The following XKR4 variants were observed in gnomAD, a reference collection of about 807,000 sequenced individuals.
XKR4 encodes XK related 4, also known as XK-related protein 4.
Under a neutral mutation model 53.9 loss-of-function variants are expected in XKR4, and 12 were observed. The observed-to-expected ratio is 0.22, with a 90% CI of 0.14 to 0.36. XKR4 has a LOEUF of 0.36. XKR4 is among the 10% of genes least tolerant of loss of function. The pLI, the probability that XKR4 is intolerant of heterozygous loss-of-function variation, is 1.00. For synonymous variants in XKR4, 354 were observed against 362.4 expected (o/e 0.98, Z 0.26); for missense variants, 799 against 859.5 (o/e 0.93, Z 0.88).
chr8:55,353,919 G>C (rs190150904), intron 1 of XKR4, among the ~76,000 whole-genome samples: 1 of 152,180 alleles, frequency 6.6e-6, no homozygotes, highest in African/African-American at 2.4e-5. Context: ...GCAGCCAAAG[G>C]TTCAAGGGAA....
rs1806011862 is a variant in XKR4, at chr8:55,477,457, A to G, written c.1007-45824A>G. 3.9e-5 allele frequency among the ~76,000 whole-genome samples: 6 copies of G among 152,176 alleles called. No individual in the cohort carries two copies. The South Asian group carries it at 1.0e-3, about 26-fold the overall frequency. ...TAGATAAAACCACAAAGATGGGGAA[A>G]AAACAGAGCAGAAAAACTGGAAACT... On this transcript the variant is annotated intron_variant, in intron 2 of 2. Coordinates refer to ENST00000327381, the MANE Select transcript of XKR4 (RefSeq NM_052898.2).
chr8:55,189,909 A>C (rs1181718923), intron 1 of XKR4, among the ~76,000 whole-genome samples: 2 of 152,224 alleles, frequency 1.3e-5, no homozygotes, highest in African/African-American at 4.8e-5. Context: ...CACTTCTGTC[A>C]CATTTCAACT....
intron 1 of XKR4, among the ~76,000 whole-genome samples, chr8:55,251,247 C>T (rs1357045801): frequency 6.6e-6 from 1 of 152,148 alleles, no homozygotes; most frequent in East Asian, 1.9e-4. Flanking sequence ...AGAATACAGT[C>T]CTTTTCTGTA....
chr8:55,332,394 A>G (rs1290146978), intron 1 of XKR4, among the ~76,000 whole-genome samples: 1 of 152,074 alleles, frequency 6.6e-6, no homozygotes, highest in East Asian at 1.9e-4. Context: ...TTTACCAGAA[A>G]ACTTTATGCT....
At chr8:55,449,464 G>A (rs1267953661) in intron 2 of XKR4, 1 of 930,738 alleles carries the variant, frequency 1.1e-6, no homozygotes, top group Non-Finnish European at 1.7e-6. Context: ...ACCCCTAGTG[G>A]TCGGTAACGA....
At chr8:55,193,771 C>T (rs1271207333) in intron 1 of XKR4, among the ~76,000 whole-genome samples, 1 of 152,256 alleles carries the variant, frequency 6.6e-6, no homozygotes, top group African/African-American at 2.4e-5. Flanking sequence ...CCCAGATCCC[C>T]TGCCACAGTC....
intron 2 of XKR4, among the ~76,000 whole-genome samples, chr8:55,482,977 A>C (rs955482663): frequency 1.3e-5 from 2 of 152,192 alleles, no homozygotes; most frequent in Admixed American, 6.5e-5. Flanking sequence ...CAAATGAATC[A>C]TTGTTAGCCC....
At chr8:55,479,225 A>G (rs968008795) in intron 2 of XKR4, among the ~76,000 whole-genome samples, 15 of 152,272 alleles carry the variant, frequency 9.9e-5, no homozygotes, top group Admixed American at 6.5e-5. Context: ...CAATCAAACT[A>G]GAACTCAGGA....
chr8:55,161,734 C>T (rs1816989465), intron 1 of XKR4: 2 of 414,712 alleles, frequency 4.8e-6, no homozygotes, highest in African/African-American at 2.0e-5. Flanking sequence ...CACCCATGGC[C>T]ACTTACTGCA....
At chr8:55,140,062 T>C in intron 1 of XKR4, 1 of 326,222 alleles carries the variant, frequency 3.1e-6, no homozygotes, top group South Asian at 2.5e-5. Flanking sequence ...CTCATCCTAT[T>C]TTATTTATTA....
At chr8:55,451,859 C>T in intron 2 of XKR4, 1 of 884,076 alleles carries the variant, frequency 1.1e-6, no homozygotes, top group Non-Finnish European at 1.8e-6. Context: ...GGCTTCAAGG[C>T]TGAGGACGGG....
chr8:55,187,540 C>T (rs1817396270), intron 1 of XKR4, among the ~76,000 whole-genome samples: 2 of 152,270 alleles, frequency 1.3e-5, no homozygotes, highest in South Asian at 2.1e-4. Flanking sequence ...TCTCAGGAAT[C>T]TGACCATCAA....
Position 55,157,484 on chromosome 8 carries a change from G to A in XKR4, c.806+54190G>A, listed in dbSNP as rs561064508. Among the ~76,000 whole-genome samples the A allele has an allele frequency of 1.2e-3, 186 of 151,644 alleles. No individual in the cohort carries two copies. In the Middle Eastern group the frequency reaches 0.038, roughly 31 times the overall value. On this transcript the variant is annotated intron_variant, in intron 1 of 2. Coordinates refer to ENST00000327381, the MANE Select transcript of XKR4 (RefSeq NM_052898.2). Reference sequence around the variant, plus strand: ...AGAAAAGCTTATAATACCTCTAAACGTTTTTGGAAATACTTTTTTTTTTTA... The same window carrying A: ...AGAAAAGCTTATAATACCTCTAAACATTTTTGGAAATACTTTTTTTTTTTA...
Position 55,483,765 on chromosome 8 carries a change from C to CA in XKR4, c.1007-39506dup, listed in dbSNP as rs34973440. The stretch of plus-strand genomic sequence containing the variant: ...AAAAGTGAAAAGCCTCTCCCTTAAA[C>CA]AAAAAAAAAAGTAGAAAGGGAACAG... On this transcript the variant is annotated intron_variant, in intron 2 of 2. Coordinates refer to ENST00000327381, the MANE Select transcript of XKR4 (RefSeq NM_052898.2). Among the ~76,000 whole-genome samples, 735 of 138,748 alleles carry CA rather than the reference C, an allele frequency of 5.3e-3. 7 individuals are homozygous for CA. Among genetic ancestry groups the CA allele is most frequent in the Middle Eastern group, 0.03 (8 of 270 alleles). 91.0% of individuals were successfully genotyped at this position (138,748 alleles called of 152,430 possible). A position where few individuals can be genotyped will look rare whatever the true frequency, so the allele number is the denominator to read the frequency against.
intron 2 of XKR4, among the ~76,000 whole-genome samples, chr8:55,368,208 G>C (rs530967956): frequency 6.6e-6 from 1 of 152,060 alleles, no homozygotes; most frequent in African/African-American, 2.4e-5. Context: ...TGATCCACCC[G>C]CCTCCCAAAG....
At chr8:55,193,296 C>G (rs1817467056) in intron 1 of XKR4, among the ~76,000 whole-genome samples, 1 of 152,052 alleles carries the variant, frequency 6.6e-6, no homozygotes, top group African/African-American at 2.4e-5. Flanking sequence ...CCCTTTCATG[C>G]CTTCTCTCTG....
intron 2 of XKR4, among the ~76,000 whole-genome samples, chr8:55,409,527 A>G (rs1179420076): frequency 1.3e-5 from 2 of 152,074 alleles, no homozygotes; most frequent in African/African-American, 2.4e-5. Context: ...AGAGACTGAA[A>G]TGGGATTTGC....
rs1806869116 is a variant in XKR4 at position 55,525,399 on chromosome 8, G to A, written c.*1172G>A. 6.6e-6 allele frequency: 1 copy of A among 152,646 alleles called. No individual in the cohort carries two copies. The highest frequency in any genetic ancestry group is 1.5e-5 in the Non-Finnish European group (1 of 68,056). 9.5% of individuals were successfully genotyped at this position (152,646 alleles called of 1,614,324 possible). On this transcript the variant is annotated 3_prime_UTR_variant, in exon 3 of 3. Transcript: ENST00000327381. ...CCTCCCCCCAATCCAAGGTCAAAGT[G>A]ATGTGTCTTTTAGAGGCTTTGGGAC...
intron 1 of XKR4, among the ~76,000 whole-genome samples, chr8:55,134,865 C>G (rs112098689): frequency 1.0e-3 from 155 of 152,250 alleles, no homozygotes; most frequent in African/African-American, 3.6e-3. Flanking sequence ...TCATTTAATT[C>G]TCGCAACCCA....
Sources: gnomAD v4.1 joint callset for allele counts (sites outside exome capture counted in the v4.1 genomes callset) on GRCh38, gnomAD v4.1.1 for gene constraint, MANE v1.5 for transcripts, NCBI Gene and HGNC (gene_info 2026-07-23, HGNC 2026-07-21) for gene names.